MAGI1: variants seen among roughly 807,000 people sequenced by gnomAD.
MAGI1 encodes membrane-associated guanylate kinase, WW and PDZ domain-containing protein 1.
In MAGI1, 58 loss-of-function variants were observed where a neutral mutation model predicts 139.9. That is an observed-to-expected ratio of 0.41 (90% confidence interval 0.34 to 0.52). MAGI1 has a LOEUF of 0.52. Ranked by LOEUF, MAGI1 falls within the 20% of genes least tolerant of loss-of-function variation. MAGI1 has a pLI of 0.12. For synonymous variants in MAGI1, 812 were observed against 737.9 expected (o/e 1.10, Z -1.63); for missense variants, 1,874 against 1,901.6 (o/e 0.99, Z 0.27).
chr3:65,612,629 CA>C (rs1245646723), intron 2 of MAGI1, among the ~76,000 whole-genome samples: 19 of 152,052 alleles, frequency 1.2e-4, no homozygotes, highest in African/African-American at 4.3e-4. Flanking sequence ...CTAGGTAGGG[CA>C]ATCAGAACAC....
chr3:65,628,196 A>G (rs2084089188), intron 1 of MAGI1, among the ~76,000 whole-genome samples: 1 of 151,996 alleles, frequency 6.6e-6, no homozygotes, highest in Admixed American at 6.6e-5. Flanking sequence ...CTTTCCATAA[A>G]TAGTTTTGGT....
chr3:65,665,493 G>T (rs772877620), intron 1 of MAGI1, among the ~76,000 whole-genome samples: 1 of 152,148 alleles, frequency 6.6e-6, no homozygotes, highest in Non-Finnish European at 1.5e-5. Context: ...TTATTATAAA[G>T]AAATACTGCA....
intron 1 of MAGI1, chr3:65,902,623 C>A (rs1051458797): frequency 6.5e-6 from 1 of 152,752 alleles, no homozygotes; most frequent in Non-Finnish European, 1.5e-5. Flanking sequence ...CTCCCTCCCA[C>A]TTATTCCAAT....
At chr3:65,538,821 T>C (rs932260872) in intron 2 of MAGI1, among the ~76,000 whole-genome samples, 1 of 152,106 alleles carries the variant, frequency 6.6e-6, no homozygotes, top group Non-Finnish European at 1.5e-5. Flanking sequence ...ATACCAACTA[T>C]AGTCAAGCAG....
At chr3:66,017,995 T>G (rs2067744982) in intron 1 of MAGI1, among the ~76,000 whole-genome samples, 1 of 152,086 alleles carries the variant, frequency 6.6e-6, no homozygotes, top group African/African-American at 2.4e-5. Flanking sequence ...AATTGCTTTG[T>G]CTTGGACTCA....
chr3:65,568,625 T>G (rs1297482349), intron 2 of MAGI1, among the ~76,000 whole-genome samples: 2 of 152,212 alleles, frequency 1.3e-5, no homozygotes, highest in Non-Finnish European at 2.9e-5. Flanking sequence ...CTACACCTGT[T>G]TAGCGCCTGC....
chr3:66,011,033 A>C (rs1034998493), intron 1 of MAGI1, among the ~76,000 whole-genome samples: 3 of 152,194 alleles, frequency 2.0e-5, no homozygotes, highest in Non-Finnish European at 4.4e-5. Flanking sequence ...AACTGGAGGG[A>C]CACCAATTTG....
chr3:65,534,444 T>A (rs1238771485), intron 2 of MAGI1, among the ~76,000 whole-genome samples: 2 of 152,080 alleles, frequency 1.3e-5, no homozygotes, highest in African/African-American at 4.8e-5. Context: ...GAGCTGTGAA[T>A]ATACTGCTGC....
chr3:65,470,005 G>A (rs139981429), intron 5 of MAGI1: 25 of 156,246 alleles, frequency 1.6e-4, no homozygotes, highest in Admixed American at 1.5e-3. Context: ...GGTTAAATAT[G>A]CTCTTTGAAT....
chr3:65,864,507 T>C (rs2059655629), intron 1 of MAGI1, among the ~76,000 whole-genome samples: 3 of 152,218 alleles, frequency 2.0e-5, no homozygotes, highest in Admixed American at 2.0e-4. Context: ...AGGCCACCCG[T>C]CAGCGAGACG....
At chr3:66,031,821 C>T (rs1327749984) in intron 1 of MAGI1, among the ~76,000 whole-genome samples, 3 of 150,770 alleles carry the variant, frequency 2.0e-5, no homozygotes, top group Non-Finnish European at 4.4e-5. Flanking sequence ...TGCAAGAAAA[C>T]GGAGGGAAAG....
chr3:65,384,745 A>C (rs892755194), intron 14 of MAGI1, among the ~76,000 whole-genome samples: 6 of 150,734 alleles, frequency 4.0e-5, no homozygotes, highest in African/African-American at 1.5e-4. Flanking sequence ...ATAAATAAAC[A>C]AACAACAAAC....
At chr3:65,721,220 A>AAC (rs1559819192) in intron 1 of MAGI1, among the ~76,000 whole-genome samples, 1 of 152,124 alleles carries the variant, frequency 6.6e-6, no homozygotes, top group African/African-American at 2.4e-5. Context: ...GGTATAACAT[A>AAC]ACACACACAC....
At chr3:65,599,006 C>T (rs1524962) in intron 2 of MAGI1, among the ~76,000 whole-genome samples, 33,666 of 152,156 alleles carry the variant, frequency 0.22, 4,090 homozygotes, top group Non-Finnish European at 0.27. Context: ...CCACTGCCTT[C>T]CTTCTCATAA....
At chr3:65,612,452 TA>T (rs1192940515) in intron 2 of MAGI1, among the ~76,000 whole-genome samples, 1 of 152,152 alleles carries the variant, frequency 6.6e-6, no homozygotes, top group African/African-American at 2.4e-5. Flanking sequence ...CTAAATACAT[TA>T]GCATGTATTT....
intron 1 of MAGI1, among the ~76,000 whole-genome samples, chr3:65,981,182 G>T (rs975820591): frequency 6.7e-6 from 1 of 149,996 alleles, no homozygotes; most frequent in African/African-American, 2.4e-5. Flanking sequence ...GGAAAGAAAA[G>T]AAATTTAATT....
chr3:65,737,086 G>C (rs1324389123), intron 1 of MAGI1, among the ~76,000 whole-genome samples: 1 of 151,552 alleles, frequency 6.6e-6, no homozygotes, highest in Non-Finnish European at 1.5e-5. Flanking sequence ...CTCACTACAA[G>C]CTCCACCTCC....
intron 1 of MAGI1, among the ~76,000 whole-genome samples, chr3:65,814,802 GTGATT>G (rs957481217): frequency 2.6e-5 from 4 of 152,070 alleles, no homozygotes; most frequent in Admixed American, 6.6e-5. Flanking sequence ...CAATTCTATA[GTGATT>G]TGATTTGATC....
chr3:65,986,226 TG>T (rs1320819524), intron 1 of MAGI1, among the ~76,000 whole-genome samples: 2 of 152,172 alleles, frequency 1.3e-5, no homozygotes, highest in Non-Finnish European at 1.5e-5. Context: ...TAAATGACAT[TG>T]TTTTTTTCTG....
Sources: allele counts gnomAD v4.1 joint callset (sites outside exome capture counted in the v4.1 genomes callset), GRCh38; gene constraint gnomAD v4.1.1; transcripts MANE v1.5; gene names NCBI Gene and HGNC (gene_info 2026-07-23, HGNC 2026-07-21).